The following PRKN variants were observed in gnomAD, a reference collection of about 807,000 sequenced individuals.
PRKN encodes E3 ubiquitin-protein ligase parkin.
Under a neutral mutation model 59.5 loss-of-function variants are expected in PRKN, and 56 were observed. The ratio of observed to expected loss-of-function variants is 0.94; its 90% CI spans 0.76 to 1.18. The LOEUF is 1.18. PRKN is among the 50% of genes most tolerant of loss of function. The pLI, the probability that PRKN is intolerant of heterozygous loss-of-function variation, is 0.00. For synonymous variants in PRKN, 250 were observed against 222.1 expected (o/e 1.13, Z -1.12); for missense variants, 657 against 596.4 (o/e 1.10, Z -1.06).
chr6:161,453,520 C>A (rs1052096136), intron 9 of PRKN, among the ~76,000 whole-genome samples: 1 of 152,076 alleles, frequency 6.6e-6, no homozygotes, highest in Non-Finnish European at 1.5e-5. Flanking sequence ...CTTAACGGGC[C>A]TCATCCATTT....
At position 161,402,338 on chromosome 6, in the gene PRKN, A is replaced by T. The variant is rs1343771151; in HGVS notation, c.1084-15461T>A. On this transcript the variant is annotated intron_variant, in intron 9 of 11. Coordinates refer to ENST00000366898, the MANE Select transcript of PRKN (RefSeq NM_004562.3). The surrounding 1 kb of genome is among the most constrained non-coding windows in gnomAD (Gnocchi z 4.5). Reference sequence around the variant, plus strand: ...AGTTTTCTTTTTCTCTCTCAATTTTATTGCTTTGCTAAGGACATAGAAAGC... The same window carrying T: ...AGTTTTCTTTTTCTCTCTCAATTTTTTTGCTTTGCTAAGGACATAGAAAGC... Among the ~76,000 whole-genome samples the T allele has an allele frequency of 1.3e-5, 2 of 152,288 alleles. No individual in the cohort carries two copies. Among genetic ancestry groups the T allele is most frequent in the Non-Finnish European group, 1.5e-5 (1 of 68,024 alleles).
intron 7 of PRKN, among the ~76,000 whole-genome samples, chr6:161,770,452 C>CTTTA (rs36204395): frequency 0.036 from 5,387 of 150,998 alleles, 312 homozygotes; most frequent in African/African-American, 0.12. Flanking sequence ...GCAATAGAGC[C>CTTTA]TTTATTTATT....
chr6:162,463,829 A>G (rs1791285723), intron 1 of PRKN, among the ~76,000 whole-genome samples: 2 of 152,182 alleles, frequency 1.3e-5, no homozygotes, highest in Admixed American at 1.3e-4. Flanking sequence ...AGCAGCCTGC[A>G]AGAGGGATAA....
chr6:162,159,151 C>T (rs1157967570), intron 4 of PRKN, among the ~76,000 whole-genome samples: 1 of 150,978 alleles, frequency 6.6e-6, no homozygotes, highest in African/African-American at 2.5e-5. Context: ...TTTGCCTTGC[C>T]TATCTCTATC....
At chr6:161,985,804 C>T (rs1781414672) in intron 5 of PRKN, among the ~76,000 whole-genome samples, 1 of 152,156 alleles carries the variant, frequency 6.6e-6, no homozygotes, top group South Asian at 2.1e-4. Flanking sequence ...CTTGGCCTGC[C>T]ATGGAGACCC....
chr6:162,171,516 G>A (rs4709577), intron 4 of PRKN, among the ~76,000 whole-genome samples: 137,210 of 152,112 alleles, frequency 0.9, 62,484 homozygotes, highest in Middle Eastern at 0.97. Flanking sequence ...CGTATCTACA[G>A]TAAGAGTTGA....
At chr6:162,321,979 T>C (rs1783042887) in intron 2 of PRKN, among the ~76,000 whole-genome samples, 1 of 151,998 alleles carries the variant, frequency 6.6e-6, no homozygotes, top group African/African-American at 2.4e-5. Flanking sequence ...CTCAACATTA[T>C]ACTGGAGCTG....
chr6:162,568,962 G>C, intron 1 of PRKN: 1 of 668,106 alleles, frequency 1.5e-6, no homozygotes, highest in Non-Finnish European at 2.7e-6. Context: ...GGAAGGGCTG[G>C]CTGACGAGAT....
chr6:162,422,977 A>AAAAAAAAAAG (rs397969833), intron 2 of PRKN, among the ~76,000 whole-genome samples: 1 of 145,510 alleles, frequency 6.9e-6, no homozygotes, highest in African/African-American at 2.6e-5. Flanking sequence ...AAAAAAAAAA[A>AAAAAAAAAAG]GCATCATAAG....
chr6:162,234,154 A>C (rs1778541393), intron 3 of PRKN, among the ~76,000 whole-genome samples: 1 of 152,170 alleles, frequency 6.6e-6, no homozygotes, highest in South Asian at 2.1e-4. Context: ...TTAGGATACT[A>C]TGGGAAAGTG....
At chr6:161,437,373 T>C (rs1350921537) in intron 9 of PRKN, among the ~76,000 whole-genome samples, 1 of 152,128 alleles carries the variant, frequency 6.6e-6, no homozygotes, top group African/African-American at 2.4e-5. Flanking sequence ...GGTGTGAGAT[T>C]TCATCGCACA....
At chr6:162,384,871 G>GCTT (rs1339505697) in intron 2 of PRKN, among the ~76,000 whole-genome samples, 2 of 152,050 alleles carry the variant, frequency 1.3e-5, no homozygotes, top group Non-Finnish European at 2.9e-5. Flanking sequence ...AGAGTAAGTA[G>GCTT]GCATCAGAGG....
chr6:161,520,226 A>ATTTTTTTT (rs56073676), intron 9 of PRKN, among the ~76,000 whole-genome samples: 1 of 131,348 alleles, frequency 7.6e-6, no homozygotes. Context: ...CTCTCTATGC[A>ATTTTTTTT]TTTTTTTTTT....
intron 2 of PRKN, among the ~76,000 whole-genome samples, chr6:162,325,706 C>T (rs1783236742): frequency 6.6e-6 from 1 of 152,110 alleles, no homozygotes. Context: ...TTTTAACGTA[C>T]ATATGTCTAT....
intron 7 of PRKN, among the ~76,000 whole-genome samples, chr6:161,686,673 G>A (rs1785568992): frequency 6.6e-6 from 1 of 152,126 alleles, no homozygotes; most frequent in African/African-American, 2.4e-5. Flanking sequence ...CATACACAGG[G>A]CTCCAGTGAG....
At chr6:162,186,193 A>C (rs955292112) in intron 4 of PRKN, among the ~76,000 whole-genome samples, 45 of 152,274 alleles carry the variant, frequency 3.0e-4, no homozygotes, top group African/African-American at 1.0e-3. Flanking sequence ...GTAATAGAAT[A>C]TTAAATTGGA....
chr6:161,772,576 G>T (rs1370382391), intron 7 of PRKN, among the ~76,000 whole-genome samples: 1 of 152,156 alleles, frequency 6.6e-6, no homozygotes, highest in African/African-American at 2.4e-5. Flanking sequence ...TTTAACACAG[G>T]CAATGAACTC....
intron 2 of PRKN, among the ~76,000 whole-genome samples, chr6:162,293,637 G>T (rs1781536368): frequency 6.6e-6 from 1 of 152,114 alleles, no homozygotes; most frequent in Admixed American, 6.6e-5. Context: ...ATGACTCAGA[G>T]ATGGGGACAC....
intron 9 of PRKN, among the ~76,000 whole-genome samples, chr6:161,422,420 A>G (rs886075358): frequency 6.6e-6 from 1 of 152,058 alleles, no homozygotes; most frequent in Non-Finnish European, 1.5e-5. Context: ...GCTGGTCTTG[A>G]ACTCCTGACC....
Sources: allele counts gnomAD v4.1 joint callset (sites outside exome capture counted in the v4.1 genomes callset), GRCh38; gene constraint gnomAD v4.1.1; non-coding constraint Gnocchi (gnomAD v3.1); transcripts MANE v1.5; gene names NCBI Gene and HGNC (gene_info 2026-07-23, HGNC 2026-07-21).